FBRSL1: variants seen among roughly 807,000 people sequenced by gnomAD.
The protein encoded by FBRSL1 is fibrosin like 1, also known as fibrosin-1-like protein.
Under a neutral mutation model 89.6 loss-of-function variants are expected in FBRSL1, and 51 were observed. The ratio of observed to expected loss-of-function variants is 0.57; its 90% CI spans 0.45 to 0.72. The LOEUF (loss-of-function observed/expected upper bound fraction) is 0.72, where lower values mean the gene tolerates loss of function less well. Among genes scored for constraint, FBRSL1 ranks in the 30% least tolerant of loss-of-function variants. FBRSL1 has a pLI of 0.00. For missense variants in FBRSL1, 1,618 were observed against 1,451.8 expected (o/e 1.11, Z -1.86); for synonymous variants, 779 against 681.1 (o/e 1.14, Z -2.24).
In FBRSL1 at chr12:132,534,744, T is replaced by A. The variant is rs555618263; in HGVS notation, c.615+6756T>A. Among the ~76,000 whole-genome samples the A allele has an allele frequency of 5.3e-5, 8 of 152,326 alleles. No individual in the cohort carries two copies. In the East Asian group the frequency reaches 1.4e-3, roughly 26 times the overall value. On this transcript the variant is annotated intron_variant, in intron 4 of 18. Transcript: ENST00000680143. ...GACGTGCCTGGCTTCTGGGCCTTGG[T>A]GGCTCAAGGCCCAGGCAGCTGTGGC...
At chr12:132,560,841 C>T (rs1472439943) in intron 5 of FBRSL1, among the ~76,000 whole-genome samples, 7 of 152,240 alleles carry the variant, frequency 4.6e-5, no homozygotes, top group African/African-American at 1.7e-4. Context: ...GAGGCAGAGG[C>T]GGCTGCTCGT....
chr12:132,509,073 GA>G (rs745787121), intron 2 of FBRSL1: 14 of 1,195,462 alleles, frequency 1.2e-5, no homozygotes, highest in Middle Eastern at 6.3e-4. Context: ...GGCTGCTGGA[GA>G]AGGGCAGCAT....
intron 4 of FBRSL1, among the ~76,000 whole-genome samples, chr12:132,536,037 T>A (rs190850096): frequency 1.3e-5 from 2 of 152,160 alleles, no homozygotes; most frequent in East Asian, 3.9e-4. Flanking sequence ...TGTTTACATG[T>A]ACATGACAGT....
chr12:132,573,609 T>A (rs1437243575), intron 11 of FBRSL1, among the ~76,000 whole-genome samples: 1 of 152,142 alleles, frequency 6.6e-6, no homozygotes, highest in Non-Finnish European at 1.5e-5. Context: ...CGAGCACAGC[T>A]GCTTCTGGGC....
At chr12:132,544,594 G>A (rs2037527220) in intron 4 of FBRSL1, among the ~76,000 whole-genome samples, 1 of 151,946 alleles carries the variant, frequency 6.6e-6, no homozygotes, top group African/African-American at 2.4e-5. Context: ...TGATGGTAAC[G>A]ACAGTGATGG....
chr12:132,512,699 CT>C (rs1436795484), intron 2 of FBRSL1, among the ~76,000 whole-genome samples: 3 of 152,206 alleles, frequency 2.0e-5, no homozygotes, highest in African/African-American at 7.2e-5. Flanking sequence ...CCTGAACGGG[CT>C]GAGGGAGTGG....
intron 4 of FBRSL1, among the ~76,000 whole-genome samples, chr12:132,537,444 T>C (rs1593394396): frequency 6.6e-6 from 1 of 152,300 alleles, no homozygotes; most frequent in South Asian, 2.1e-4. Flanking sequence ...GGGTCCTCCC[T>C]GGCCCGTGTC....
At chr12:132,497,213 A>G (rs754509897) in intron 1 of FBRSL1, among the ~76,000 whole-genome samples, 3 of 152,222 alleles carry the variant, frequency 2.0e-5, no homozygotes, top group Admixed American at 6.5e-5. Context: ...CCAGCACTCC[A>G]GCCCATTTAC....
At chr12:132,530,229 C>T (rs561965717) in intron 4 of FBRSL1, among the ~76,000 whole-genome samples, 7 of 152,300 alleles carry the variant, frequency 4.6e-5, no homozygotes, top group South Asian at 2.1e-4. Flanking sequence ...TCCTGGTGTG[C>T]GTGTTCAGGG....
intron 9 of FBRSL1, 133 bp downstream of exon 9, chr12:132,571,364 G>T: frequency 1.3e-6 from 2 of 1,550,666 alleles, no homozygotes; most frequent in African/African-American, 1.4e-5. Context: ...AGCGCCGAGC[G>T]GCCTGGCGCC....
chr12:132,570,992 G>A lies in FBRSL1; in HGVS notation c.1214-76G>A, dbSNP rs537996969. 5.2e-3 allele frequency: 4,887 copies of A among 933,146 alleles called. 12 individuals are homozygous for A. Among genetic ancestry groups the A allele is most frequent in the Non-Finnish European group, 5.8e-3 (4,540 of 782,284 alleles). 57.8% of individuals were successfully genotyped at this position (933,146 alleles called of 1,614,324 possible). On this transcript the variant is annotated intron_variant, in intron 8 of 18. Coordinates refer to ENST00000680143, the MANE Select transcript of FBRSL1 (RefSeq NM_001367871.1). ...GGGACGGCCCCGTGTCCCGGGATGG[G>A]ACCAGGATGCTGGCCTGCGGGTGGC...
At chr12:132,578,336 C>T (rs1322690162) in intron 15 of FBRSL1, among the ~76,000 whole-genome samples, 1 of 149,400 alleles carries the variant, frequency 6.7e-6, no homozygotes, top group East Asian at 2.1e-4. Flanking sequence ...CAGAGCAAGA[C>T]CCTGTCTCAC....
intron 5 of FBRSL1, chr12:132,553,899 G>C (rs142864582): frequency 6.6e-6 from 1 of 152,260 alleles, no homozygotes; most frequent in African/African-American, 2.4e-5. Context: ...GACCTCAGGG[G>C]AATTGGTGTC....
chr12:132,533,507 G>A (rs2036473015), intron 4 of FBRSL1, among the ~76,000 whole-genome samples: 1 of 152,266 alleles, frequency 6.6e-6, no homozygotes, highest in Admixed American at 6.5e-5. Flanking sequence ...CCCAACCTCT[G>A]AGCATAGAAG....
rs2040227049 is a variant in FBRSL1 at position 132,574,121 on chromosome 12, C to G, written c.1562C>G (p.Ala521Gly). ...AGCCCCATTGAGGTGGCCCGCCGGG[C>G]TGGTGCGGTTCACACACTCCTGCAG... ...TSSPIEVARR[A>G]GAVHTLLQKA... is the part of the protein sequence containing the mutation. The change falls in exon 12 of 19, where the codon GCT becomes GGT. Residue 521 changes from alanine to glycine, a missense_variant. By Grantham distance (60) the Ala-to-Gly change is moderately conservative. Transcript: ENST00000680143. 6 of 1,367,480 alleles carry G rather than the reference C, an allele frequency of 4.4e-6. No individual in the cohort carries two copies. The South Asian group carries it at 1.1e-4, about 24-fold the overall frequency. The allele number at this position is 1,367,480 out of a possible 1,614,324, so 84.7% of individuals were successfully genotyped here. A position where few individuals can be genotyped will look rare whatever the true frequency, so the allele number is the denominator to read the frequency against.
chr12:132,510,373 T>C, intron 2 of FBRSL1: 3 of 1,231,616 alleles, frequency 2.4e-6, no homozygotes, highest in Non-Finnish European at 3.0e-6. Context: ...TGCCGGCCCC[T>C]GCGGTCCCGG....
chr12:132,562,291 C>CT (rs532099387), intron 5 of FBRSL1, among the ~76,000 whole-genome samples: 121 of 152,158 alleles, frequency 8.0e-4, no homozygotes, highest in Admixed American at 1.8e-3. Context: ...TCCTGTCCTT[C>CT]TTTCTTTGTA....
intron 12 of FBRSL1, 38 bp downstream of exon 12, chr12:132,574,196 T>G: frequency 7.0e-7 from 1 of 1,428,640 alleles, no homozygotes; most frequent in Non-Finnish European, 9.1e-7. Flanking sequence ...CCCCGGGGGA[T>G]GGCCTGCCCC....
intron 4 of FBRSL1, among the ~76,000 whole-genome samples, chr12:132,535,539 G>C (rs2036637355): frequency 6.6e-6 from 1 of 152,234 alleles, no homozygotes; most frequent in African/African-American, 2.4e-5. Context: ...GTGGGGCACT[G>C]GCTGCCACAT....
Sources: gnomAD v4.1 joint callset for allele counts (sites outside exome capture counted in the v4.1 genomes callset) on GRCh38, gnomAD v4.1.1 for gene constraint, MANE v1.5 for transcripts, NCBI Gene and HGNC (gene_info 2026-07-23, HGNC 2026-07-21) for gene names.